The following MBNL3 variants were observed in gnomAD, a reference collection of about 807,000 sequenced individuals.
MBNL3 encodes muscleblind like splicing regulator 3, also known as muscleblind-like protein 3.
A neutral mutation model predicts 24.5 loss-of-function variants in MBNL3; 6 were observed. That is an observed-to-expected ratio of 0.25 (90% confidence interval 0.13 to 0.48). MBNL3 has a LOEUF of 0.48. Among genes scored for constraint, MBNL3 ranks in the 20% least tolerant of loss-of-function variants. MBNL3 has a pLI of 0.99. For missense variants in MBNL3, 230 were observed against 293.5 expected (o/e 0.78, Z 1.58); for synonymous variants, 100 against 101.7 (o/e 0.98, Z 0.10).
chrX:132,384,813 G>T, intron 6 of MBNL3, 115 bp from the exon 7 acceptor site: 2 of 543,836 alleles, frequency 3.7e-6, no homozygotes, highest in Non-Finnish European at 5.4e-6. Flanking sequence ...CAATTACTCA[G>T]CACATGCAAG....
intron 2 of MBNL3, chrX:132,431,312 A>G (rs1359268893): frequency 1.8e-5 from 2 of 111,817 alleles, no homozygotes; most frequent in Admixed American, 1.9e-4. Flanking sequence ...TTCTGTAAGG[A>G]GGAGTTGTCC....
At chrX:132,399,608 G>C (rs750617633) in intron 3 of MBNL3, among the ~76,000 whole-genome samples, 1 of 109,988 alleles carries the variant, frequency 9.1e-6, no homozygotes, top group Non-Finnish European at 1.9e-5. Context: ...AATGTGACTG[G>C]TATCCAGAGT....
intron 1 of MBNL3, among the ~76,000 whole-genome samples, chrX:132,466,191 A>C (rs1338570544): frequency 2.7e-5 from 3 of 112,568 alleles, no homozygotes; most frequent in Admixed American, 9.4e-5. Context: ...GTTCCCCCTT[A>C]GACATAAGAC....
rs1933626495 is a variant in MBNL3, at chrX:132,371,734, A to T, written c.*7932T>A. 1 of 111,777 alleles carries T rather than the reference A, an allele frequency of 8.9e-6. No homozygotes were observed. The highest frequency in any genetic ancestry group is 3.7e-4 in the South Asian group (1 of 2,695). 9.2% of individuals were successfully genotyped at this position (111,777 alleles called of 1,213,427 possible). A position where few individuals can be genotyped will look rare whatever the true frequency, so the allele number is the denominator to read the frequency against. Reference sequence around the variant, plus strand: ...AAAATTTTAAGTATTCTTTTATTAAAATAGAAGTGTTTTTCTTGTGTCAGT... The same window carrying T: ...AAAATTTTAAGTATTCTTTTATTAATATAGAAGTGTTTTTCTTGTGTCAGT... On this transcript the variant is annotated 3_prime_UTR_variant, in exon 9 of 9. Coordinates refer to ENST00000370853, the MANE Select transcript of MBNL3 (RefSeq NM_001386889.1).
intron 1 of MBNL3, among the ~76,000 whole-genome samples, chrX:132,478,209 CGTT>C (rs75168559): frequency 0.27 from 30,260 of 110,430 alleles, 3,107 homozygotes; most frequent in East Asian, 0.42. Flanking sequence ...TTGTTGTTGT[CGTT>C]GTTAAACATC....
rs746741431 is a variant in MBNL3, at chrX:132,474,044, T to C, written c.-704+14807A>G. 3.6e-5 allele frequency among the ~76,000 whole-genome samples: 4 copies of C among 111,202 alleles called. No homozygotes were observed. In the South Asian group the frequency reaches 1.5e-3, roughly 42 times the overall value. On this transcript the variant is annotated intron_variant, in intron 1 of 8. Coordinates refer to ENST00000370853, the MANE Select transcript of MBNL3 (RefSeq NM_001386889.1). ...TAAGCTTCTAAGAAAAGAGGAAATA[T>C]ATTCTTCTAGATGGGAGAAAGGGGA...
At chrX:132,482,129 C>T (rs781173159) in intron 1 of MBNL3, among the ~76,000 whole-genome samples, 2 of 111,918 alleles carry the variant, frequency 1.8e-5, no homozygotes, top group Non-Finnish European at 3.8e-5. Context: ...AAACTATAGC[C>T]ACATAGTGGG....
At chrX:132,425,512 T>G (rs1191452047) in intron 2 of MBNL3, among the ~76,000 whole-genome samples, 1 of 111,960 alleles carries the variant, frequency 8.9e-6, no homozygotes, top group Non-Finnish European at 1.9e-5. Context: ...ATGTTCAAAC[T>G]TTTTGGACTT....
chrX:132,427,347 G>T (rs189471455), intron 2 of MBNL3, among the ~76,000 whole-genome samples: 5 of 111,226 alleles, frequency 4.5e-5, no homozygotes, highest in African/African-American at 1.6e-4. Context: ...ACTGAATTTG[G>T]TTCTATATAG....
intron 3 of MBNL3, among the ~76,000 whole-genome samples, chrX:132,393,852 A>G (rs1346220306): frequency 9.0e-6 from 1 of 111,266 alleles, no homozygotes; most frequent in Non-Finnish European, 1.9e-5. Flanking sequence ...ACATTAATAG[A>G]AACAAGTCTA....
intron 1 of MBNL3, among the ~76,000 whole-genome samples, chrX:132,482,544 A>G (rs1411382432): frequency 9.0e-6 from 1 of 110,894 alleles, no homozygotes. Context: ...CACTGCTCAT[A>G]CTGGTCTCCT....
intron 1 of MBNL3, among the ~76,000 whole-genome samples, chrX:132,469,763 G>A (rs1163542494): frequency 1.8e-5 from 2 of 111,460 alleles, no homozygotes; most frequent in Non-Finnish European, 3.8e-5. Context: ...TATTAATTCA[G>A]TGATTTTTAG....
Position 132,421,795 on chromosome X carries a change from G to T in MBNL3, c.178-15403C>A, listed in dbSNP as rs1943843456. 4.5e-5 allele frequency among the ~76,000 whole-genome samples: 5 copies of T among 111,027 alleles called. No homozygotes were observed. The Admixed American group carries it at 4.8e-4, about 11-fold the overall frequency. On this transcript the variant is annotated intron_variant, in intron 2 of 8. Coordinates refer to ENST00000370853, the MANE Select transcript of MBNL3 (RefSeq NM_001386889.1). ...TTGGTACTATTTTTATTCTAATTTT[G>T]CCATGGGTACTGTTATATTTTACTT...
intron 2 of MBNL3, chrX:132,431,381 T>C (rs1238159941): frequency 8.9e-6 from 1 of 111,992 alleles, no homozygotes; most frequent in African/African-American, 3.3e-5. Flanking sequence ...CTCATGGGCA[T>C]CTATTTTATT....
chrX:132,387,211 G>A (rs1569414291), intron 5 of MBNL3, among the ~76,000 whole-genome samples: 1 of 101,058 alleles, frequency 9.9e-6, no homozygotes. Flanking sequence ...CGTCAAGACT[G>A]CAGTGAGCTG....
At chrX:132,411,761 G>A (rs1389381064) in intron 2 of MBNL3, among the ~76,000 whole-genome samples, 6 of 111,520 alleles carry the variant, frequency 5.4e-5, no homozygotes, top group Non-Finnish European at 7.5e-5. Flanking sequence ...TTGTTTGCAT[G>A]CTTGTCTCCT....
At chrX:132,462,558 G>C (rs1025720164) in intron 1 of MBNL3, among the ~76,000 whole-genome samples, 9 of 111,930 alleles carry the variant, frequency 8.0e-5, no homozygotes, top group Admixed American at 6.6e-4. Flanking sequence ...CTAGTTGGTG[G>C]AAGAGAGACC....
chrX:132,394,428 T>C (rs929573434), intron 3 of MBNL3, among the ~76,000 whole-genome samples: 62 of 112,069 alleles, frequency 5.5e-4, no homozygotes, highest in African/African-American at 1.9e-3. Flanking sequence ...TGTCTCAAGA[T>C]CACCAAGAAT....
chrX:132,418,504 G>T (rs1475078777), intron 2 of MBNL3, among the ~76,000 whole-genome samples: 1 of 111,905 alleles, frequency 8.9e-6, no homozygotes, highest in Non-Finnish European at 1.9e-5. Flanking sequence ...TCAAGATACT[G>T]TGCTTCATAA....
Sources: allele counts gnomAD v4.1 joint callset (sites outside exome capture counted in the v4.1 genomes callset), GRCh38; gene constraint gnomAD v4.1.1; transcripts MANE v1.5; gene names NCBI Gene and HGNC (gene_info 2026-07-23, HGNC 2026-07-21).